GALNTL6: variants seen among roughly 807,000 people sequenced by gnomAD.
GALNTL6 encodes the protein polypeptide N-acetylgalactosaminyltransferase-like 6.
A neutral mutation model predicts 73.7 loss-of-function variants in GALNTL6; 46 were observed. That is an observed-to-expected ratio of 0.62 (90% CI 0.49 to 0.80). The LOEUF is 0.80. GALNTL6 is among the 30% of genes least tolerant of loss of function. The pLI, the probability that GALNTL6 is intolerant of heterozygous loss-of-function variation, is 0.00. For synonymous variants in GALNTL6, 259 were observed against 263.7 expected (o/e 0.98, Z 0.17); for missense variants, 604 against 755.0 (o/e 0.80, Z 2.34).
chr4:172,975,051 C>T lies in GALNTL6; in HGVS notation c.1371+22793C>T, dbSNP rs532256854. Among the ~76,000 whole-genome samples the T allele has an allele frequency of 2.0e-5, 3 of 152,308 alleles. No individual in the cohort carries two copies. The East Asian group carries it at 5.8e-4, about 29-fold the overall frequency. ...TCTTCTCTCCTTCTGGTTGCCCCCA[C>T]GTGGCAAGCAGGGGATGGGTGTGTG... On this transcript the variant is annotated intron_variant, in intron 10 of 12. Transcript: ENST00000506823.
chr4:172,712,510 A>G (rs967129601), intron 5 of GALNTL6, among the ~76,000 whole-genome samples: 2 of 152,090 alleles, frequency 1.3e-5, no homozygotes, highest in African/African-American at 4.8e-5. Flanking sequence ...TTTTACATTA[A>G]GGATGCTACT....
chr4:171,982,145 C>T (rs1384039424), intron 2 of GALNTL6, among the ~76,000 whole-genome samples: 1 of 152,062 alleles, frequency 6.6e-6, no homozygotes, highest in African/African-American at 2.4e-5. Flanking sequence ...AATATCCTGA[C>T]ATTAAGAATA....
chr4:172,360,318 TATC>T (rs33954133), intron 5 of GALNTL6, among the ~76,000 whole-genome samples: 145,682 of 152,114 alleles, frequency 0.96, 70,051 homozygotes, highest in East Asian at 1. Context: ...GAGAATGCTT[TATC>T]ATCACAGCTG....
chr4:172,687,197 TG>T (rs1285693673), intron 5 of GALNTL6, among the ~76,000 whole-genome samples: 2 of 152,182 alleles, frequency 1.3e-5, no homozygotes. Flanking sequence ...CACAAATTTT[TG>T]CTTTTGGTCT....
intron 3 of GALNTL6, among the ~76,000 whole-genome samples, chr4:172,230,977 G>A (rs9312520): frequency 3.3e-4 from 50 of 151,882 alleles, no homozygotes; most frequent in Non-Finnish European, 6.6e-4. Context: ...TTATTTTCTT[G>A]CATTCCTTTT....
At chr4:172,708,837 C>A (rs573872220) in intron 5 of GALNTL6, among the ~76,000 whole-genome samples, 18 of 152,236 alleles carry the variant, frequency 1.2e-4, no homozygotes, top group South Asian at 6.2e-4. Flanking sequence ...TCCAAGTTTT[C>A]TTTTTTTCCA....
chr4:172,906,845 G>T (rs1746922531), intron 8 of GALNTL6, among the ~76,000 whole-genome samples: 1 of 152,188 alleles, frequency 6.6e-6, no homozygotes, highest in Non-Finnish European at 1.5e-5. Flanking sequence ...TTGAGGAAAG[G>T]CCAAGTCCCA....
chr4:172,069,448 AAT>A lies in GALNTL6; in HGVS notation c.139-160202_139-160201del, dbSNP rs1358870892. ...TAACACACATATAACATATATATGT[AAT>A]ATATAACACACATATAACATATATG... On this transcript the variant is annotated intron_variant, in intron 2 of 12. Transcript: ENST00000506823. Among the ~76,000 whole-genome samples the A allele has an allele frequency of 1.0e-4, 8 of 78,390 alleles. 3 individuals are homozygous for A. Among genetic ancestry groups the A allele is most frequent in the Admixed American group, 3.0e-4 (2 of 6,758 alleles). The allele number at this position is 78,390 out of a possible 152,430, so 51.4% of individuals were successfully genotyped here.
At chr4:171,860,487 C>T (rs1735803805) in intron 2 of GALNTL6, among the ~76,000 whole-genome samples, 1 of 152,178 alleles carries the variant, frequency 6.6e-6, no homozygotes, top group African/African-American at 2.4e-5. Context: ...CCTCACTCCT[C>T]TAGATTGCTC....
At chr4:172,401,499 T>C (rs182061544) in intron 5 of GALNTL6, among the ~76,000 whole-genome samples, 1 of 152,274 alleles carries the variant, frequency 6.6e-6, no homozygotes, top group African/African-American at 2.4e-5. Context: ...AAAGGATTTA[T>C]GTCTCACCAT....
At chr4:172,656,929 T>C (rs1731059007) in intron 5 of GALNTL6, among the ~76,000 whole-genome samples, 1 of 58,682 alleles carries the variant, frequency 1.7e-5, no homozygotes, top group Admixed American at 2.0e-4. Flanking sequence ...AAGGACATTA[T>C]TTTTTTTTTC....
At chr4:172,953,897 A>G (rs1385739595) in intron 10 of GALNTL6, among the ~76,000 whole-genome samples, 1 of 152,270 alleles carries the variant, frequency 6.6e-6, no homozygotes, top group Non-Finnish European at 1.5e-5. Context: ...GACTCAATTC[A>G]CAGCAGTGGA....
chr4:172,732,366 T>A (rs1464163310), intron 5 of GALNTL6, among the ~76,000 whole-genome samples: 1 of 152,178 alleles, frequency 6.6e-6, no homozygotes, highest in African/African-American at 2.4e-5. Flanking sequence ...CTGCTCTTTT[T>A]TGCTTTCCAG....
chr4:172,286,443 A>T (rs1463912941), intron 3 of GALNTL6, among the ~76,000 whole-genome samples: 8 of 152,184 alleles, frequency 5.3e-5, no homozygotes, highest in East Asian at 1.9e-4. Context: ...GGATGGAGAG[A>T]TAGTGTTTGG....
chr4:172,273,292 T>C (rs1469510180), intron 3 of GALNTL6, among the ~76,000 whole-genome samples: 5 of 152,190 alleles, frequency 3.3e-5, no homozygotes, highest in Non-Finnish European at 5.9e-5. Context: ...CAATAGTGTG[T>C]GCATCGTGCA....
chr4:172,721,278 T>C (rs1455039592), intron 5 of GALNTL6, among the ~76,000 whole-genome samples: 1 of 152,062 alleles, frequency 6.6e-6, no homozygotes, highest in Non-Finnish European at 1.5e-5. Flanking sequence ...TGATAACCCT[T>C]GGAAACCAAA....
intron 2 of GALNTL6, among the ~76,000 whole-genome samples, chr4:171,927,109 A>G (rs1467218140): frequency 6.6e-6 from 1 of 152,174 alleles, no homozygotes; most frequent in South Asian, 2.1e-4. Context: ...AGCACAATTC[A>G]TGAAACAGTG....
intron 7 of GALNTL6, among the ~76,000 whole-genome samples, chr4:172,866,969 A>C (rs532202809): frequency 2.0e-5 from 3 of 152,184 alleles, no homozygotes; most frequent in Non-Finnish European, 4.4e-5. Context: ...CTCAGAGAGG[A>C]TATAGGTTAG....
intron 2 of GALNTL6, among the ~76,000 whole-genome samples, chr4:171,819,365 CAG>C (rs1734623849): frequency 6.6e-6 from 1 of 152,082 alleles, no homozygotes; most frequent in African/African-American, 2.4e-5. Context: ...CCATGGGAGA[CAG>C]AGTGTGAAAC....
Sources: gnomAD v4.1 joint callset for allele counts (sites outside exome capture counted in the v4.1 genomes callset) on GRCh38, gnomAD v4.1.1 for gene constraint, MANE v1.5 for transcripts, NCBI Gene and HGNC (gene_info 2026-07-23, HGNC 2026-07-21) for gene names.